Variants in PRRG1 observed in about 807,000 individuals in gnomAD.
The protein encoded by PRRG1 is proline rich and Gla domain 1.
PRRG1 carries 5 observed loss-of-function variants against 11.8 expected under a neutral mutation model. That is an observed-to-expected ratio of 0.42 (90% CI 0.22 to 0.89). The LOEUF is 0.89. Ranked by LOEUF, PRRG1 falls within the 40% of genes least tolerant of loss-of-function variation. The pLI is 0.28. For synonymous variants in PRRG1, 66 were observed against 60.4 expected (o/e 1.09, Z -0.43); for missense variants, 155 against 166.1 (o/e 0.93, Z 0.37).
chrX:37,399,593 C>T (rs1424004697), intron 1 of PRRG1, among the ~76,000 whole-genome samples: 1 of 102,130 alleles, frequency 9.8e-6, no homozygotes, highest in Admixed American at 1.1e-4. Flanking sequence ...AAATCACCAG[C>T]TAACATCATA....
At chrX:37,360,390 G>A (rs782299594) in intron 1 of PRRG1, among the ~76,000 whole-genome samples, 81 of 111,754 alleles carry the variant, frequency 7.2e-4, no homozygotes, top group African/African-American at 2.5e-3. Context: ...TTTCTCTTGG[G>A]ATTTTTTTCT....
chrX:37,456,852 C>T lies in PRRG1; in HGVS notation c.*3231C>T, dbSNP rs1921377130. On this transcript the variant is annotated 3_prime_UTR_variant, in exon 4 of 4. Coordinates refer to ENST00000378628, the MANE Select transcript of PRRG1 (RefSeq NM_001142395.2). Reference sequence around the variant, plus strand: ...TAAGGAGTAACTGAATTGAATCAACCAGTTTGCATTTAAATAAAAGAACAG... The same window carrying T: ...TAAGGAGTAACTGAATTGAATCAACTAGTTTGCATTTAAATAAAAGAACAG... The T allele has an allele frequency of 8.9e-6, 1 of 111,746 alleles. No homozygotes were observed. 9.2% of individuals were successfully genotyped at this position (111,746 alleles called of 1,213,427 possible). A position where few individuals can be genotyped will look rare whatever the true frequency, so the allele number is the denominator to read the frequency against.
intron 1 of PRRG1, among the ~76,000 whole-genome samples, chrX:37,383,640 T>C (rs143390851): frequency 0.02 from 2,277 of 111,648 alleles, 58 homozygotes; most frequent in African/African-American, 0.07. Context: ...AGTATGACAA[T>C]GTGAGAGTTA....
chrX:37,422,171 A>G (rs141033887), intron 2 of PRRG1, among the ~76,000 whole-genome samples: 9 of 112,233 alleles, frequency 8.0e-5, no homozygotes, highest in East Asian at 2.8e-4. Flanking sequence ...GTTGGATAGC[A>G]TATAAGAAAG....
chrX:37,381,581 C>T (rs782421261), intron 1 of PRRG1, among the ~76,000 whole-genome samples: 55 of 111,359 alleles, frequency 4.9e-4, no homozygotes, highest in Non-Finnish European at 9.1e-4. Context: ...GTCAAAATTA[C>T]AGAACCTTCT....
intron 1 of PRRG1, among the ~76,000 whole-genome samples, chrX:37,360,695 T>A (rs1173250039): frequency 8.9e-6 from 1 of 112,438 alleles, no homozygotes; most frequent in East Asian, 2.8e-4. Context: ...ATCAAAGCTG[T>A]TGAGTTCAGC....
intron 1 of PRRG1, among the ~76,000 whole-genome samples, chrX:37,405,092 G>A (rs1178099628): frequency 8.9e-6 from 1 of 111,808 alleles, no homozygotes; most frequent in African/African-American, 3.2e-5. Context: ...AAATTAAGTC[G>A]GTATTTCCTA....
rs147603302 is a variant in PRRG1, at chrX:37,406,198, G to C, written c.-41-11G>C. On this transcript the variant is annotated splice_polypyrimidine_tract_variant and intron_variant, in intron 1 of 3. Transcript: ENST00000378628. ...CAATCTGACTGTGTGTATGTGCTCTGTTTTGTACAGGGAATCATCATCCAG... is the reference window on the plus strand; with the variant it reads ...CAATCTGACTGTGTGTATGTGCTCTCTTTTGTACAGGGAATCATCATCCAG... 6.4e-3 allele frequency: 7,741 copies of C among 1,206,996 alleles called. 22 individuals are homozygous for C. Among genetic ancestry groups the C allele is most frequent in the Non-Finnish European group, 7.7e-3 (6,882 of 893,248 alleles).
At chrX:37,442,334 G>C in intron 3 of PRRG1, 1 of 516,933 alleles carries the variant, frequency 1.9e-6, no homozygotes, top group Non-Finnish European at 2.4e-6. Context: ...ACCCAGTCCT[G>C]TCCCATCTGC....
At chrX:37,372,953 A>G in intron 1 of PRRG1, among the ~76,000 whole-genome samples, 1 of 112,448 alleles carries the variant, frequency 8.9e-6, no homozygotes, top group African/African-American at 3.2e-5. Context: ...TCTTTAATCC[A>G]TTATGAGTTG....
At chrX:37,371,803 C>T (rs781971086) in intron 1 of PRRG1, among the ~76,000 whole-genome samples, 2 of 113,175 alleles carry the variant, frequency 1.8e-5, no homozygotes, top group East Asian at 2.8e-4. Flanking sequence ...TATACTTGCT[C>T]ACAACGCTCC....
chrX:37,419,169 A>G (rs1257128335), intron 2 of PRRG1, among the ~76,000 whole-genome samples: 2 of 112,397 alleles, frequency 1.8e-5, no homozygotes, highest in Admixed American at 9.5e-5. Context: ...TCAATAAAGC[A>G]TATTTTGTTA....
At chrX:37,404,235 C>T (rs5917197) in intron 1 of PRRG1, among the ~76,000 whole-genome samples, 22,155 of 111,482 alleles carry the variant, frequency 0.2, 2,502 homozygotes, top group African/African-American at 0.44. Context: ...CCTCAAATCT[C>T]CTTTCCCTAC....
At position 37,444,894 on chromosome X, in the gene PRRG1, C is replaced by T. The variant is rs182868820; in HGVS notation, c.172-8242C>T. 5.2e-4 allele frequency among the ~76,000 whole-genome samples: 58 copies of T among 111,206 alleles called. No homozygotes were observed. The East Asian group carries it at 0.015, about 29-fold the overall frequency. Reference sequence around the variant, plus strand: ...CCAATTCTATCTCAACCAGCTTTCCCTTGAATTCACCCCTAGAACACTGTG... The same window carrying T: ...CCAATTCTATCTCAACCAGCTTTCCTTTGAATTCACCCCTAGAACACTGTG... On this transcript the variant is annotated intron_variant, in intron 3 of 3. Coordinates refer to ENST00000378628, the MANE Select transcript of PRRG1 (RefSeq NM_001142395.2).
In PRRG1 at chrX:37,401,802, T is replaced by C. The variant is rs182328099; in HGVS notation, c.-41-4407T>C. On this transcript the variant is annotated intron_variant, in intron 1 of 3. Transcript: ENST00000378628. ...TTCAGCAAAGTCTCAGGATAAAAAA[T>C]CAATGTACAAAAATGACAAGCATTC... 8.2e-3 allele frequency among the ~76,000 whole-genome samples: 912 copies of C among 111,233 alleles called. 5 individuals are homozygous for C. Among genetic ancestry groups the C allele is most frequent in the Middle Eastern group, 0.023 (5 of 216 alleles).
chrX:37,415,223 A>T (rs186394884), intron 2 of PRRG1, among the ~76,000 whole-genome samples: 284 of 111,764 alleles, frequency 2.5e-3, no homozygotes, highest in African/African-American at 8.6e-3. Flanking sequence ...AGCCTGACCA[A>T]CATGGCGAAG....
At chrX:37,373,956 C>T (rs1048123553) in intron 1 of PRRG1, among the ~76,000 whole-genome samples, 12 of 111,184 alleles carry the variant, frequency 1.1e-4, no homozygotes, top group Admixed American at 3.8e-4. Context: ...TCTTCTGTAC[C>T]TAATTTGTTG....
In PRRG1 at chrX:37,455,074, C is replaced by T. The variant is rs180999477; in HGVS notation, c.*1453C>T. ...GTGTGTCATTTCCTGCTGCTTCCAGCTCCATCCCTACAGACTCCTCCCCGA... is the reference window on the plus strand; with the variant it reads ...GTGTGTCATTTCCTGCTGCTTCCAGTTCCATCCCTACAGACTCCTCCCCGA... On this transcript the variant is annotated 3_prime_UTR_variant, in exon 4 of 4. Coordinates refer to ENST00000378628, the MANE Select transcript of PRRG1 (RefSeq NM_001142395.2). 19 of 111,559 alleles carry T rather than the reference C, an allele frequency of 1.7e-4. 1 individual carries two copies. The highest frequency in any genetic ancestry group is 6.7e-4 in the Admixed American group (7 of 10,491). 9.2% of individuals were successfully genotyped at this position (111,559 alleles called of 1,213,427 possible). A position where few individuals can be genotyped will look rare whatever the true frequency, so the allele number is the denominator to read the frequency against.
At chrX:37,412,487 T>G (rs1046563568) in intron 2 of PRRG1, among the ~76,000 whole-genome samples, 6 of 111,841 alleles carry the variant, frequency 5.4e-5, no homozygotes, top group African/African-American at 1.9e-4. Flanking sequence ...TCAAGTGAAG[T>G]TATCCATTTA....
Sources: allele counts gnomAD v4.1 joint callset (sites outside exome capture counted in the v4.1 genomes callset), GRCh38; gene constraint gnomAD v4.1.1; transcripts MANE v1.5; gene names NCBI Gene and HGNC (gene_info 2026-07-23, HGNC 2026-07-21).